The following SPECC1 variants were observed in gnomAD, a reference collection of about 807,000 sequenced individuals.
SPECC1 encodes the protein cytospin-B.
A neutral mutation model predicts 104.1 loss-of-function variants in SPECC1; 62 were observed. The observed-to-expected ratio is 0.60, with a 90% CI of 0.49 to 0.74. The LOEUF is 0.74. SPECC1 is among the 30% of genes least tolerant of loss of function. SPECC1 has a pLI of 0.00. For synonymous variants in SPECC1, 513 were observed against 501.6 expected, an observed-to-expected ratio of 1.02 and a Z score of -0.30; for missense variants, 1,306 against 1,310.5, an observed-to-expected ratio of 1.00 and a Z score of 0.05.
intron 10 of SPECC1, among the ~76,000 whole-genome samples, chr17:20,256,106 T>C (rs969548837): frequency 6.6e-6 from 1 of 151,792 alleles, no homozygotes; most frequent in Admixed American, 6.6e-5. Context: ...CTCGATCTCC[T>C]GACCTCGTAA....
intron 3 of SPECC1, among the ~76,000 whole-genome samples, chr17:20,182,262 C>T (rs2034959181): frequency 6.6e-6 from 1 of 151,870 alleles, no homozygotes; most frequent in African/African-American, 2.4e-5. Context: ...TACAGTTGCA[C>T]ACCACCATGT....
chr17:20,299,722 T>C (rs2041506133), intron 13 of SPECC1, among the ~76,000 whole-genome samples: 1 of 152,160 alleles, frequency 6.6e-6, no homozygotes, highest in Non-Finnish European at 1.5e-5. Flanking sequence ...TGGGGTGCTT[T>C]GTTTGTGAAG....
intron 1 of SPECC1, chr17:20,010,117 T>G (rs954992722): frequency 7.3e-5 from 11 of 150,188 alleles, no homozygotes; most frequent in Non-Finnish European, 1.3e-4. Flanking sequence ...CCAGTGCCCA[T>G]GCAAGGAAAT....
chr17:20,091,815 A>T (rs1028311802), intron 1 of SPECC1, among the ~76,000 whole-genome samples: 7 of 150,898 alleles, frequency 4.6e-5, no homozygotes, highest in Non-Finnish European at 7.4e-5. Flanking sequence ...GCCCTCTCCC[A>T]CTCCTGGAGA....
chr17:20,223,503 T>C (rs2038017730), intron 4 of SPECC1, among the ~76,000 whole-genome samples: 1 of 152,010 alleles, frequency 6.6e-6, no homozygotes, highest in African/African-American at 2.4e-5. Flanking sequence ...GTGAAACCCG[T>C]CTCTACTAAA....
intron 1 of SPECC1, chr17:20,096,157 A>G (rs1025395928): frequency 2.0e-5 from 3 of 152,374 alleles, no homozygotes; most frequent in African/African-American, 7.2e-5. Flanking sequence ...ATTTTTATCC[A>G]AAAGAAGAAA....
rs1320672579 is a variant in SPECC1 at position 20,318,474 on chromosome 17, A to C, written c.*4409A>C. 4 of 231,894 alleles carry C rather than the reference A, an allele frequency of 1.7e-5. No homozygotes were observed. Among genetic ancestry groups the C allele is most frequent in the African/African-American group, 2.2e-5 (1 of 45,276 alleles). 14.4% of individuals were successfully genotyped at this position (231,894 alleles called of 1,614,324 possible). On this transcript the variant is annotated 3_prime_UTR_variant, in exon 15 of 15. Coordinates refer to ENST00000395527, the MANE Select transcript of SPECC1 (RefSeq NM_001243439.2). ...AACACACATCCCCAGGGGACAAGCC[A>C]TCCAGCGGTGAGGAATCTCTGCCAT...
intron 4 of SPECC1, among the ~76,000 whole-genome samples, chr17:20,211,087 C>T (rs2037116850): frequency 6.6e-6 from 1 of 152,168 alleles, no homozygotes; most frequent in East Asian, 1.9e-4. Context: ...ATGGGAATGG[C>T]CTGACCCACC....
At chr17:20,309,091 G>T (rs1423921050) in intron 14 of SPECC1, among the ~76,000 whole-genome samples, 2 of 152,190 alleles carry the variant, frequency 1.3e-5, no homozygotes, top group African/African-American at 2.4e-5. Context: ...TGACACACAT[G>T]ATAATTAATC....
rs184879612 is a variant in SPECC1 at position 20,044,724 on chromosome 17, A to G, written c.-22+35300A>G. On this transcript the variant is annotated intron_variant, in intron 1 of 14. Coordinates refer to ENST00000395527, the MANE Select transcript of SPECC1 (RefSeq NM_001243439.2). Reference sequence around the variant, plus strand: ...TAATAAGGGTTCCAAATGAAAGGGTAGTTTCAGGCTGAGTCTAGCTTTGAG... The same window carrying G: ...TAATAAGGGTTCCAAATGAAAGGGTGGTTTCAGGCTGAGTCTAGCTTTGAG... Among the ~76,000 whole-genome samples, 3 of 152,330 alleles carry G rather than the reference A, an allele frequency of 2.0e-5. No individual in the cohort carries two copies. The East Asian group carries it at 5.8e-4, about 29-fold the overall frequency.
At chr17:20,203,882 T>C (rs2703804) in intron 3 of SPECC1, among the ~76,000 whole-genome samples, 107,786 of 152,136 alleles carry the variant, frequency 0.71, 39,989 homozygotes, top group East Asian at 0.99. Flanking sequence ...TTTAGCAACT[T>C]AACAATGCTA....
At position 20,033,725 on chromosome 17, in the gene SPECC1, G is replaced by A. The variant is rs564704440; in HGVS notation, c.-22+24301G>A. Reference sequence around the variant, plus strand: ...GCACCAAACCATTCAGGAGGGATATGCCACCCCCATGACTCAGACACCTTC... The same window carrying A: ...GCACCAAACCATTCAGGAGGGATATACCACCCCCATGACTCAGACACCTTC... On this transcript the variant is annotated intron_variant, in intron 1 of 14. Coordinates refer to ENST00000395527, the MANE Select transcript of SPECC1 (RefSeq NM_001243439.2). 9.9e-5 allele frequency among the ~76,000 whole-genome samples: 15 copies of A among 152,246 alleles called. 1 individual carries two copies. The South Asian group carries it at 3.1e-3, about 32-fold the overall frequency.
intron 1 of SPECC1, among the ~76,000 whole-genome samples, chr17:20,016,730 G>A (rs2044145654): frequency 6.6e-6 from 1 of 152,216 alleles, no homozygotes; most frequent in East Asian, 1.9e-4. Flanking sequence ...GCTCCTGTGC[G>A]GCCCGAGCCT....
chr17:20,157,076 G>C (rs753512618), intron 3 of SPECC1, among the ~76,000 whole-genome samples: 5 of 151,866 alleles, frequency 3.3e-5, no homozygotes, highest in Admixed American at 6.5e-5. Flanking sequence ...ATTTTAATTT[G>C]AATGAGGACT....
At chr17:20,236,658 T>C (rs1447948220) in intron 7 of SPECC1, among the ~76,000 whole-genome samples, 1 of 150,808 alleles carries the variant, frequency 6.6e-6, no homozygotes, top group Admixed American at 6.6e-5. Flanking sequence ...AGTCTGGCTT[T>C]TTTTTTTTTT....
intron 1 of SPECC1, among the ~76,000 whole-genome samples, chr17:20,020,785 A>G (rs759002657): frequency 6.6e-6 from 1 of 151,552 alleles, no homozygotes; most frequent in East Asian, 1.9e-4. Flanking sequence ...GTTTTATCCC[A>G]CTCTCATTCT....
rs1446345774 is a variant in SPECC1, at chr17:20,313,968, C to T, written c.3118-8C>T. ...TTGTGATCTGTCCCCCATTCCCTTC[C>T]CCTGCAGGAACTCAGCGAGATGCTG... On this transcript the variant is annotated splice_polypyrimidine_tract_variant and splice_region_variant and intron_variant, in intron 14 of 14. Coordinates refer to ENST00000395527, the MANE Select transcript of SPECC1 (RefSeq NM_001243439.2). 1 of 1,613,910 alleles carries T rather than the reference C, an allele frequency of 6.2e-7. No individual in the cohort carries two copies. Among genetic ancestry groups the T allele is most frequent in the Non-Finnish European group, 8.5e-7 (1 of 1,179,880 alleles).
Position 20,205,932 on chromosome 17 carries a change from T to C in SPECC1, c.1863+20T>C, listed in dbSNP as rs1233021079. The C allele has an allele frequency of 2.5e-6, 4 of 1,588,920 alleles. No homozygotes were observed. The highest frequency in any genetic ancestry group is 1.3e-5 in the African/African-American group (1 of 74,710). On this transcript the variant is annotated intron_variant, in intron 4 of 14. Transcript: ENST00000395527. The stretch of plus-strand genomic sequence containing the variant: ...GCCAAGGTGAGAAGAGACAGCTCTT[T>C]ACTGGTATTTGCTCATCCTTGTTCA...
intron 1 of SPECC1, among the ~76,000 whole-genome samples, chr17:20,091,680 A>G (rs1597678985): frequency 1.3e-5 from 2 of 152,096 alleles, no homozygotes; most frequent in East Asian, 1.9e-4. Context: ...CTTACGTTCT[A>G]TTTCCTGCTG....
Sources: allele counts gnomAD v4.1 joint callset (sites outside exome capture counted in the v4.1 genomes callset), GRCh38; gene constraint gnomAD v4.1.1; transcripts MANE v1.5; gene names NCBI Gene and HGNC (gene_info 2026-07-23, HGNC 2026-07-21).